CIAO2A: variants seen among roughly 807,000 people sequenced by gnomAD.
The protein encoded by CIAO2A is MIP18 family protein FAM96A.
A neutral mutation model predicts 22.4 loss-of-function variants in CIAO2A; 17 were observed. That is an observed-to-expected ratio of 0.76 (90% confidence interval 0.52 to 1.14). The LOEUF (loss-of-function observed/expected upper bound fraction) is 1.14. Ranked by LOEUF, CIAO2A falls within the 50% of genes most tolerant of loss-of-function variation. CIAO2A has a pLI of 0.00. For synonymous variants in CIAO2A, 74 were observed against 72.3 expected, an observed-to-expected ratio of 1.02 and a Z score of -0.12; for missense variants, 192 against 191.4, an observed-to-expected ratio of 1.00 and a Z score of -0.02.
intron 1 of CIAO2A, among the ~76,000 whole-genome samples, chr15:64,089,184 T>A (rs560398673): frequency 6.6e-6 from 1 of 152,294 alleles, no homozygotes; most frequent in East Asian, 1.9e-4. Context: ...GGAATCTGAA[T>A]CAAGCCTTGA....
intron 2 of CIAO2A, among the ~76,000 whole-genome samples, chr15:64,082,760 T>A (rs2080766787): frequency 6.6e-6 from 1 of 152,174 alleles, no homozygotes; most frequent in African/African-American, 2.4e-5. Context: ...CGCAAAGCAC[T>A]TTTTTGAGCA....
chr15:64,081,031 G>A, intron 3 of CIAO2A, 71 bp downstream of exon 3: 1 of 1,409,960 alleles, frequency 7.1e-7, no homozygotes, highest in South Asian at 1.2e-5. Flanking sequence ...CGTGAATTGT[G>A]TGGTATGTGA....
chr15:64,085,005 T>C (rs1434398503), intron 2 of CIAO2A, among the ~76,000 whole-genome samples: 1 of 149,744 alleles, frequency 6.7e-6, no homozygotes, highest in Non-Finnish European at 1.5e-5. Context: ...AAGCGGAGAA[T>C]CACTTGAACC....
chr15:64,086,022 T>C (rs1449928563), intron 2 of CIAO2A, among the ~76,000 whole-genome samples: 1 of 151,874 alleles, frequency 6.6e-6, no homozygotes, highest in African/African-American at 2.4e-5. Context: ...TCTTTCATAA[T>C]AGCTGGTTTT....
chr15:64,091,889 T>C (rs1363038620), intron 1 of CIAO2A, among the ~76,000 whole-genome samples: 1 of 151,648 alleles, frequency 6.6e-6, no homozygotes, highest in Non-Finnish European at 1.5e-5. Context: ...CAAAACCTCA[T>C]CTCTACAAAA....
intron 3 of CIAO2A, among the ~76,000 whole-genome samples, chr15:64,079,606 G>A (rs1474255366): frequency 6.6e-6 from 1 of 152,208 alleles, no homozygotes; most frequent in African/African-American, 2.4e-5. Flanking sequence ...GGTACTCTGT[G>A]TAAAGGCTAG....
intron 1 of CIAO2A, among the ~76,000 whole-genome samples, 153 bp downstream of exon 1, chr15:64,093,492 C>T (rs1643319774): frequency 6.6e-6 from 1 of 151,946 alleles, no homozygotes; most frequent in South Asian, 2.1e-4. Context: ...GCGCCTGCTA[C>T]GCCCCGGACA....
rs1567304183 is a variant in CIAO2A at position 64,075,547 on chromosome 15, G to A, written c.340-10C>T. 4 of 1,549,400 alleles carry A rather than the reference G, an allele frequency of 2.6e-6. No individual in the cohort carries two copies. The highest frequency in any genetic ancestry group is 2.4e-5 in the South Asian group (2 of 84,976). On this transcript the variant is annotated splice_polypyrimidine_tract_variant and intron_variant, in intron 3 of 4. Coordinates refer to ENST00000300030, the MANE Select transcript of CIAO2A (RefSeq NM_032231.7). ...AAATGTAGATTTCCAACTGGAAAGT[G>A]GGAAAAAAAGTAAAAGAAAAAACAT...
chr15:64,088,654 T>C (rs2080815913), intron 2 of CIAO2A, 33 bp downstream of exon 2: 3 of 1,511,288 alleles, frequency 2.0e-6, no homozygotes, highest in Non-Finnish European at 2.7e-6. Context: ...TTAGAATTTA[T>C]ATAAATATAC....
intron 2 of CIAO2A, among the ~76,000 whole-genome samples, chr15:64,087,330 A>G (rs1685171800): frequency 1.3e-5 from 2 of 151,802 alleles, no homozygotes; most frequent in Admixed American, 1.3e-4. Context: ...TGACCTCGTG[A>G]TCTGCCCGCC....
At chr15:64,082,619 G>A (rs947080003) in intron 2 of CIAO2A, among the ~76,000 whole-genome samples, 1 of 152,130 alleles carries the variant, frequency 6.6e-6, no homozygotes, top group Non-Finnish European at 1.5e-5. Context: ...CTCTTCAGAG[G>A]ATCTGCCTTA....
intron 3 of CIAO2A, among the ~76,000 whole-genome samples, chr15:64,078,880 C>T (rs560096238): frequency 1.3e-5 from 2 of 151,464 alleles, no homozygotes; most frequent in African/African-American, 4.9e-5. Flanking sequence ...TCTGTCACTA[C>T]AAAAAATAAA....
At chr15:64,080,201 CA>C (rs1339427374) in intron 3 of CIAO2A, among the ~76,000 whole-genome samples, 1 of 150,564 alleles carries the variant, frequency 6.6e-6, no homozygotes, top group Non-Finnish European at 1.5e-5. Flanking sequence ...GCCTGGCCAA[CA>C]TGGTGAAACC....
At chr15:64,085,234 T>C (rs2080784823) in intron 2 of CIAO2A, among the ~76,000 whole-genome samples, 1 of 152,192 alleles carries the variant, frequency 6.6e-6, no homozygotes, top group Non-Finnish European at 1.5e-5. Context: ...AACTATATAA[T>C]TAAAGAATAT....
At chr15:64,083,068 C>T (rs2080768805) in intron 2 of CIAO2A, among the ~76,000 whole-genome samples, 1 of 149,528 alleles carries the variant, frequency 6.7e-6, no homozygotes, top group Non-Finnish European at 1.5e-5. Context: ...AATAATAAAA[C>T]TTAAAAATAT....
chr15:64,078,469 T>C (rs1237643031), intron 3 of CIAO2A, among the ~76,000 whole-genome samples: 1 of 152,030 alleles, frequency 6.6e-6, no homozygotes, highest in Non-Finnish European at 1.5e-5. Context: ...ACCCTGTCTC[T>C]ACTAAAAATA....
intron 2 of CIAO2A, among the ~76,000 whole-genome samples, chr15:64,085,944 A>G (rs62023395): frequency 0.73 from 109,428 of 150,926 alleles, 40,292 homozygotes; most frequent in East Asian, 0.81. Flanking sequence ...TCCTGACCTC[A>G]TGATCTGCCC....
chr15:64,073,134 C>T, intron 4 of CIAO2A, 106 bp from the exon 5 acceptor site: 1 of 702,172 alleles, frequency 1.4e-6, no homozygotes. Flanking sequence ...TCCTTGAGAA[C>T]TTAAACCTGT....
chr15:64,089,420 C>A (rs2080821942), intron 1 of CIAO2A, among the ~76,000 whole-genome samples: 2 of 143,426 alleles, frequency 1.4e-5, no homozygotes, highest in East Asian at 2.1e-4. Flanking sequence ...CCCAGCCACT[C>A]AGGAGGATCG....
Sources: allele counts gnomAD v4.1 joint callset (sites outside exome capture counted in the v4.1 genomes callset), GRCh38; gene constraint gnomAD v4.1.1; transcripts MANE v1.5; gene names NCBI Gene and HGNC (gene_info 2026-07-23, HGNC 2026-07-21).